MGMT: variants seen among roughly 807,000 people sequenced by gnomAD.
The protein encoded by MGMT is O-6-methylguanine-DNA methyltransferase, also known as methylated-DNA--protein-cysteine methyltransferase.
A neutral mutation model predicts 15.9 loss-of-function variants in MGMT; 14 were observed. The ratio of observed to expected loss-of-function variants is 0.88; its 90% CI spans 0.58 to 1.37. The LOEUF is 1.37. Ranked by LOEUF, MGMT falls within the 40% of genes most tolerant of loss-of-function variation. MGMT has a pLI of 0.00. For synonymous variants in MGMT, 130 were observed against 118.2 expected (o/e 1.10, Z -0.65); for missense variants, 282 against 268.1 (o/e 1.05, Z -0.36).
intron 1 of MGMT, among the ~76,000 whole-genome samples, chr10:129,531,456 C>T (rs959571281): frequency 6.6e-6 from 1 of 152,112 alleles, no homozygotes; most frequent in Admixed American, 6.5e-5. Flanking sequence ...TGGGTCCCTC[C>T]TGGTGTCCGT....
At chr10:129,707,563 G>A (rs1259961802) in intron 2 of MGMT, among the ~76,000 whole-genome samples, 7 of 152,296 alleles carry the variant, frequency 4.6e-5, no homozygotes, top group Non-Finnish European at 1.0e-4. Flanking sequence ...ATATTTCTGG[G>A]AACTGTTTTC....
At chr10:129,554,269 A>G (rs1846189366) in intron 2 of MGMT, among the ~76,000 whole-genome samples, 2 of 152,274 alleles carry the variant, frequency 1.3e-5, no homozygotes, top group South Asian at 4.1e-4. Flanking sequence ...TACAGAAAGT[A>G]CAAAGGAAAT....
chr10:129,537,472 G>A (rs566158701), intron 2 of MGMT, among the ~76,000 whole-genome samples: 1 of 152,218 alleles, frequency 6.6e-6, no homozygotes, highest in Admixed American at 6.5e-5. Context: ...TGTTCAGAAA[G>A]TCACAGGCAC....
chr10:129,737,678 T>C (rs1848579994), intron 3 of MGMT, among the ~76,000 whole-genome samples: 1 of 152,238 alleles, frequency 6.6e-6, no homozygotes, highest in South Asian at 2.1e-4. Context: ...TCCCCATCTT[T>C]GTGGTTTTAT....
chr10:129,653,585 G>A (rs571502400), intron 2 of MGMT, among the ~76,000 whole-genome samples: 15 of 152,336 alleles, frequency 9.8e-5, no homozygotes, highest in East Asian at 3.9e-4. Context: ...GTGGCCTCAC[G>A]TGGCCTCCCT....
Position 129,526,928 on chromosome 10 carries a change from G to C in MGMT, c.-12-9313G>C, listed in dbSNP as rs145011056. Reference sequence around the variant, plus strand: ...TTTAAACGCCATTCATGTTAAAAGGGAGATGAAACGAAATTCATTTTTCCA... The same window carrying C: ...TTTAAACGCCATTCATGTTAAAAGGCAGATGAAACGAAATTCATTTTTCCA... On this transcript the variant is annotated intron_variant, in intron 1 of 4. Coordinates refer to ENST00000651593, the MANE Select transcript of MGMT (RefSeq NM_002412.5). Among the ~76,000 whole-genome samples, 389 of 152,356 alleles carry C rather than the reference G, an allele frequency of 2.6e-3. 1 individual carries two copies. Among genetic ancestry groups the C allele is most frequent in the African/African-American group, 8.9e-3 (371 of 41,576 alleles).
At chr10:129,584,047 A>C (rs1255540317) in intron 2 of MGMT, among the ~76,000 whole-genome samples, 2 of 152,222 alleles carry the variant, frequency 1.3e-5, no homozygotes, top group African/African-American at 2.4e-5. Flanking sequence ...AGCGGAAGTC[A>C]GTGTGGCCAC....
intron 1 of MGMT, among the ~76,000 whole-genome samples, chr10:129,521,298 C>T (rs12256491): frequency 0.25 from 37,740 of 151,994 alleles, 5,621 homozygotes; most frequent in African/African-American, 0.42. Context: ...CCCCTGTTGC[C>T]CGGGGTGGCT....
intron 2 of MGMT, among the ~76,000 whole-genome samples, chr10:129,646,246 G>C (rs561804230): frequency 1.3e-5 from 2 of 152,082 alleles, no homozygotes; most frequent in African/African-American, 4.8e-5. Flanking sequence ...AAGACAGATC[G>C]CCTGGGGAAG....
At chr10:129,578,809 C>A (rs1419994354) in intron 2 of MGMT, among the ~76,000 whole-genome samples, 1 of 152,174 alleles carries the variant, frequency 6.6e-6, no homozygotes, top group African/African-American at 2.4e-5. Context: ...CGCTACCTCT[C>A]CCAAGTTGTA....
chr10:129,716,216 C>G (rs1210359135), intron 3 of MGMT, among the ~76,000 whole-genome samples: 1 of 152,216 alleles, frequency 6.6e-6, no homozygotes. Context: ...CTTCTCTGCC[C>G]TTCCAAAGAT....
At chr10:129,490,632 T>C (rs1348054464) in intron 1 of MGMT, among the ~76,000 whole-genome samples, 2 of 152,188 alleles carry the variant, frequency 1.3e-5, no homozygotes, top group African/African-American at 2.4e-5. Context: ...TAAAGTAATA[T>C]AGTTTTAAAA....
intron 1 of MGMT, among the ~76,000 whole-genome samples, chr10:129,516,408 T>TCAC (rs1845738714): frequency 6.6e-6 from 1 of 152,108 alleles, no homozygotes; most frequent in Admixed American, 6.5e-5. Flanking sequence ...CGTGCTGATA[T>TCAC]CACAGTGGCG....
At chr10:129,546,029 G>T (rs1387163726) in intron 2 of MGMT, among the ~76,000 whole-genome samples, 2 of 152,228 alleles carry the variant, frequency 1.3e-5, no homozygotes, top group African/African-American at 4.8e-5. Flanking sequence ...TTTATTTCCA[G>T]TTGCTGTACA....
intron 1 of MGMT, among the ~76,000 whole-genome samples, chr10:129,501,861 A>C (rs531924496): frequency 6.7e-6 from 1 of 148,966 alleles, no homozygotes; most frequent in Non-Finnish European, 1.5e-5. Flanking sequence ...GTGCAGGAGG[A>C]CTGCCCCGTT....
chr10:129,563,670 G>T (rs1846306010), intron 2 of MGMT: 1 of 152,176 alleles, frequency 6.6e-6, no homozygotes, highest in South Asian at 2.1e-4. Context: ...TGCTGGGAGA[G>T]AGCGGAGTTC....
intron 2 of MGMT, among the ~76,000 whole-genome samples, chr10:129,648,254 TC>T (rs1438897939): frequency 6.6e-6 from 1 of 152,208 alleles, no homozygotes; most frequent in Non-Finnish European, 1.5e-5. Context: ...ACCTCAATAT[TC>T]TCACACAAAT....
rs1391133255 is a variant in MGMT at position 129,576,411 on chromosome 10, G to A, written c.125+40034G>A. Among the ~76,000 whole-genome samples the A allele has an allele frequency of 5.8e-3, 880 of 152,218 alleles. 5 individuals are homozygous for A. Among genetic ancestry groups the A allele is most frequent in the Non-Finnish European group, 8.5e-3 (581 of 67,996 alleles). On this transcript the variant is annotated intron_variant, in intron 2 of 4. Transcript: ENST00000651593. ...CAAATCAATAAATGTAATCCAGCAT[G>A]TAAACAGAACCAAAGACAAAAACCA...
intron 3 of MGMT, among the ~76,000 whole-genome samples, chr10:129,711,294 T>A (rs188607098): frequency 6.6e-6 from 1 of 152,242 alleles, no homozygotes; most frequent in Non-Finnish European, 1.5e-5. Context: ...TTAAAACTTA[T>A]CAAATACCAG....
Sources: allele counts gnomAD v4.1 joint callset (sites outside exome capture counted in the v4.1 genomes callset), GRCh38; gene constraint gnomAD v4.1.1; transcripts MANE v1.5; gene names NCBI Gene and HGNC (gene_info 2026-07-23, HGNC 2026-07-21).